Variants in CDH13 observed in about 807,000 individuals in gnomAD.
CDH13 encodes cadherin 13, also known as cadherin-13.
CDH13 carries 24 observed loss-of-function variants against 63.8 expected under a neutral mutation model. That is an observed-to-expected ratio of 0.38 (90% CI 0.27 to 0.53). CDH13 has a LOEUF of 0.53. Among genes scored for constraint, CDH13 ranks in the 20% least tolerant of loss-of-function variants. The pLI is 0.85. For missense variants in CDH13, 1,049 were observed against 903.1 expected (o/e 1.16, Z -2.07); for synonymous variants, 503 against 355.3 (o/e 1.42, Z -4.67).
chr16:83,609,153 C>A (rs539423928), intron 8 of CDH13, among the ~76,000 whole-genome samples: 1 of 152,268 alleles, frequency 6.6e-6, no homozygotes, highest in South Asian at 2.1e-4. Flanking sequence ...GTTCAACTTG[C>A]GGCCTGTGAG....
At chr16:83,620,802 C>T (rs1378999804) in intron 8 of CDH13, among the ~76,000 whole-genome samples, 4 of 152,182 alleles carry the variant, frequency 2.6e-5, no homozygotes, top group African/African-American at 7.2e-5. Flanking sequence ...CTTGCAAACT[C>T]AAAGAGACGT....
At chr16:83,786,430 C>T (rs1222237056) in intron 13 of CDH13, among the ~76,000 whole-genome samples, 1 of 152,112 alleles carries the variant, frequency 6.6e-6, no homozygotes, top group African/African-American at 2.4e-5. Context: ...TAGATTACGA[C>T]TTGAGCTTGA....
intron 1 of CDH13, among the ~76,000 whole-genome samples, chr16:82,758,384 T>C (rs1023293420): frequency 4.6e-5 from 7 of 151,864 alleles, no homozygotes; most frequent in Admixed American, 1.3e-4. Flanking sequence ...ACTTTAGTGA[T>C]TGGGTTTCTG....
rs547365794 is a variant in CDH13 at position 83,016,012 on chromosome 16, G to C, written c.158-15998G>C. Among the ~76,000 whole-genome samples, 287 of 152,126 alleles carry C rather than the reference G, an allele frequency of 1.9e-3. 1 individual carries two copies. Among genetic ancestry groups the C allele is most frequent in the Middle Eastern group, 0.017 (5 of 294 alleles). On this transcript the variant is annotated intron_variant, in intron 2 of 13. Coordinates refer to ENST00000567109, the MANE Select transcript of CDH13 (RefSeq NM_001257.5). The stretch of plus-strand genomic sequence containing the variant: ...AATATGTGAGCGCTATTGTTGTCGA[G>C]TGGAGAAATCACAGAAAAATGAGAT...
chr16:83,561,829 T>C (rs181883548), intron 7 of CDH13, among the ~76,000 whole-genome samples: 2 of 152,332 alleles, frequency 1.3e-5, no homozygotes, highest in East Asian at 3.9e-4. Context: ...GTGGCATCAC[T>C]GTTTTGTAGT....
intron 1 of CDH13, among the ~76,000 whole-genome samples, chr16:82,843,678 A>G (rs1052108370): frequency 6.6e-6 from 1 of 152,248 alleles, no homozygotes; most frequent in Non-Finnish European, 1.5e-5. Flanking sequence ...GATAATTAAT[A>G]AAAACCTTCC....
intron 5 of CDH13, among the ~76,000 whole-genome samples, chr16:83,318,119 G>A (rs1432617685): frequency 2.0e-5 from 3 of 152,184 alleles, no homozygotes; most frequent in Non-Finnish European, 4.4e-5. Context: ...AAAAGATCCA[G>A]TATTTGTAAC....
rs186917153 is a variant in CDH13 at position 82,785,028 on chromosome 16, C to T, written c.46-73334C>T. Among the ~76,000 whole-genome samples, 47 of 152,214 alleles carry T rather than the reference C, an allele frequency of 3.1e-4. 1 individual carries two copies. The highest frequency in any genetic ancestry group is 9.9e-4 in the African/African-American group (41 of 41,544). On this transcript the variant is annotated intron_variant, in intron 1 of 13. Coordinates refer to ENST00000567109, the MANE Select transcript of CDH13 (RefSeq NM_001257.5). ...TCCTTAGCAGTAGTGGGGGCCCGCT[C>T]ATGGGTGTAAGAAAGAATGTAGCAT...
chr16:82,965,600 T>G (rs72790184), intron 2 of CDH13, among the ~76,000 whole-genome samples: 23,831 of 152,192 alleles, frequency 0.16, 1,955 homozygotes, highest in Middle Eastern at 0.2. Flanking sequence ...GGTGTGATCT[T>G]GGCTCACTGC....
chr16:83,301,029 T>TTTG (rs1313981581), intron 5 of CDH13, among the ~76,000 whole-genome samples: 10 of 121,164 alleles, frequency 8.3e-5, no homozygotes, highest in African/African-American at 2.8e-4. Context: ...TCTGGGGTTT[T>TTTG]TTTTTTTTTT....
At chr16:82,629,899 C>T (rs1015913301) in intron 1 of CDH13, among the ~76,000 whole-genome samples, 1 of 152,146 alleles carries the variant, frequency 6.6e-6, no homozygotes, top group African/African-American at 2.4e-5. Flanking sequence ...AAATGTGATT[C>T]CCCTCCCTAT....
At chr16:83,283,635 C>A (rs1445562766) in intron 5 of CDH13, among the ~76,000 whole-genome samples, 2 of 152,070 alleles carry the variant, frequency 1.3e-5, no homozygotes, top group Non-Finnish European at 1.5e-5. Flanking sequence ...CAGCCAGGGG[C>A]AATATCTACC....
At chr16:82,838,351 A>G (rs998546552) in intron 1 of CDH13, among the ~76,000 whole-genome samples, 2 of 152,204 alleles carry the variant, frequency 1.3e-5, no homozygotes, top group Non-Finnish European at 2.9e-5. Context: ...AGTGTCCACT[A>G]TAGGGATGGA....
At chr16:83,319,924 G>A (rs1484170350) in intron 5 of CDH13, among the ~76,000 whole-genome samples, 2 of 152,172 alleles carry the variant, frequency 1.3e-5, no homozygotes, top group Non-Finnish European at 2.9e-5. Flanking sequence ...GATTAATACA[G>A]CCCACAGACA....
At chr16:83,171,532 G>C (rs1353088132) in intron 4 of CDH13, 19 of 1,534,144 alleles carry the variant, frequency 1.2e-5, no homozygotes, top group Non-Finnish European at 1.7e-5. Flanking sequence ...ATGAAGATTT[G>C]GCAAGTTCTG....
chr16:83,071,821 A>C (rs1025747630), intron 3 of CDH13, among the ~76,000 whole-genome samples: 1 of 152,202 alleles, frequency 6.6e-6, no homozygotes, highest in Non-Finnish European at 1.5e-5. Flanking sequence ...CAGAGTTCTG[A>C]AATAGTTTAT....
At chr16:83,490,354 G>C (rs2073986334) in intron 7 of CDH13, among the ~76,000 whole-genome samples, 1 of 152,132 alleles carries the variant, frequency 6.6e-6, no homozygotes, top group Admixed American at 6.5e-5. Flanking sequence ...GCCTTTTATA[G>C]ATTCACTTTG....
At chr16:83,079,932 A>T (rs897405670) in intron 3 of CDH13, among the ~76,000 whole-genome samples, 1 of 152,262 alleles carries the variant, frequency 6.6e-6, no homozygotes, top group East Asian at 1.9e-4. Context: ...GACAATGTCA[A>T]CTGGATAAAG....
chr16:82,914,863 T>C (rs1420155244), intron 2 of CDH13, among the ~76,000 whole-genome samples: 1 of 152,226 alleles, frequency 6.6e-6, no homozygotes, highest in Non-Finnish European at 1.5e-5. Flanking sequence ...TCATTATTTA[T>C]AACAGCATTA....
Sources: allele counts gnomAD v4.1 joint callset (sites outside exome capture counted in the v4.1 genomes callset), GRCh38; gene constraint gnomAD v4.1.1; transcripts MANE v1.5; gene names NCBI Gene and HGNC (gene_info 2026-07-23, HGNC 2026-07-21).